The following PARP15 variants were observed in gnomAD, a reference collection of about 807,000 sequenced individuals.
PARP15 encodes poly(ADP-ribose) polymerase family member 15, also known as protein mono-ADP-ribosyltransferase PARP15.
Under a neutral mutation model 62.1 loss-of-function variants are expected in PARP15, and 50 were observed. The observed-to-expected ratio is 0.81, with a 90% confidence interval of 0.64 to 1.02. The LOEUF (loss-of-function observed/expected upper bound fraction) is 1.02, where lower values mean the gene tolerates loss of function less well. PARP15 is among the 50% of genes least tolerant of loss of function. The pLI is 0.00. For synonymous variants in PARP15, 309 were observed against 293.1 expected (o/e 1.05, Z -0.55); for missense variants, 820 against 826.5 (o/e 0.99, Z 0.10).
chr3:122,635,335 G>C, intron 11 of PARP15, 141 bp downstream of exon 11: 1 of 681,364 alleles, frequency 1.5e-6, no homozygotes, highest in Non-Finnish European at 2.3e-6. Context: ...CTGTAAAGGA[G>C]ACTGGCAACC....
At chr3:122,635,765 G>A (rs1937324307) in intron 11 of PARP15, 46 bp from the exon 12 acceptor site, 1 of 1,569,530 alleles carries the variant, frequency 6.4e-7, no homozygotes. Flanking sequence ...TCTACACATT[G>A]TGTAATTTTA....
Position 122,626,770 on chromosome 3 carries a change from T to A in PARP15, c.1232-57T>A, listed in dbSNP as rs1039608395. 9 of 1,508,136 alleles carry A rather than the reference T, an allele frequency of 6.0e-6. No individual in the cohort carries two copies. In the East Asian group the frequency reaches 2.0e-4, roughly 34 times the overall value. 93.4% of individuals were successfully genotyped at this position (1,508,136 alleles called of 1,614,324 possible). A position where few individuals can be genotyped will look rare whatever the true frequency, so the allele number is the denominator to read the frequency against. On this transcript the variant is annotated intron_variant, in intron 8 of 11. Coordinates refer to ENST00000464300, the MANE Select transcript of PARP15 (RefSeq NM_001113523.3). ...AGCACTGAGAACTGGATTTGCCATA[T>A]TTCATCATATTAGCAACATCGGGGG... is the stretch of plus-strand genomic sequence containing the variant.
rs1576559473 is a variant in PARP15 at position 122,638,202 on chromosome 3, T to A, written c.*2102T>A. On this transcript the variant is annotated 3_prime_UTR_variant, in exon 12 of 12. Transcript: ENST00000464300. ...ATTTTCTTAATCCAGTCTATCATTG[T>A]TGGACATTTGGGTTGGTTCCAAGTC... is the stretch of plus-strand genomic sequence containing the variant. 4 of 152,094 alleles carry A rather than the reference T, an allele frequency of 2.6e-5. No individual in the cohort carries two copies. Among genetic ancestry groups the A allele is most frequent in the Admixed American group, 1.3e-4 (2 of 15,270 alleles). 9.4% of individuals were successfully genotyped at this position (152,094 alleles called of 1,614,324 possible). A position where few individuals can be genotyped will look rare whatever the true frequency, so the allele number is the denominator to read the frequency against.
At chr3:122,589,444 T>C (rs1205090145) in intron 1 of PARP15, among the ~76,000 whole-genome samples, 2 of 147,506 alleles carry the variant, frequency 1.4e-5, no homozygotes, top group Middle Eastern at 3.4e-3. Context: ...CTTGGGTATA[T>C]ACCTTGAAGT....
intron 9 of PARP15, among the ~76,000 whole-genome samples, chr3:122,629,383 G>A (rs1056661717): frequency 7.9e-5 from 12 of 152,022 alleles, no homozygotes; most frequent in East Asian, 1.9e-4. Flanking sequence ...TCCACCCACC[G>A]GCCTCTCAAA....
chr3:122,619,725 A>G (rs917456177), intron 6 of PARP15, 56 bp from the exon 7 acceptor site: 2 of 1,428,372 alleles, frequency 1.4e-6, no homozygotes, highest in East Asian at 2.3e-5. Context: ...TACAAAAACT[A>G]TAACCACTTA....
At chr3:122,595,954 A>AATACT (rs1448961132) in intron 1 of PARP15, among the ~76,000 whole-genome samples, 3 of 151,960 alleles carry the variant, frequency 2.0e-5, no homozygotes, top group Non-Finnish European at 4.4e-5. Context: ...AGTGGCATTA[A>AATACT]ATACTGTGTA....
chr3:122,629,903 A>G (rs1936965067), intron 9 of PARP15, among the ~76,000 whole-genome samples: 1 of 152,202 alleles, frequency 6.6e-6, no homozygotes, highest in South Asian at 2.1e-4. Context: ...GACAGAGCTC[A>G]GGTGGTAATG....
At chr3:122,578,692 T>A (rs1158613451) in intron 1 of PARP15, among the ~76,000 whole-genome samples, 1 of 152,156 alleles carries the variant, frequency 6.6e-6, no homozygotes, top group Non-Finnish European at 1.5e-5. Context: ...CTATTCTTGT[T>A]GTTTATTTTT....
intron 1 of PARP15, among the ~76,000 whole-genome samples, chr3:122,591,165 A>C (rs1933876107): frequency 6.6e-6 from 1 of 152,248 alleles, no homozygotes; most frequent in African/African-American, 2.4e-5. Flanking sequence ...CAAATCTCAA[A>C]TCAGATATAA....
intron 9 of PARP15, among the ~76,000 whole-genome samples, chr3:122,631,487 C>T (rs916853876): frequency 1.3e-5 from 2 of 152,164 alleles, no homozygotes; most frequent in African/African-American, 4.8e-5. Context: ...CACACTAGTC[C>T]TGCTATCTTA....
chr3:122,578,886 T>C (rs776653484), intron 1 of PARP15, among the ~76,000 whole-genome samples: 15 of 152,190 alleles, frequency 9.9e-5, no homozygotes, highest in Non-Finnish European at 1.8e-4. Flanking sequence ...GTATATGATA[T>C]TAAATTGTGA....
At chr3:122,598,967 C>T (rs1934576351) in intron 1 of PARP15, among the ~76,000 whole-genome samples, 3 of 152,170 alleles carry the variant, frequency 2.0e-5, no homozygotes, top group Admixed American at 2.0e-4. Flanking sequence ...GTGATCTCAG[C>T]TCACTGCAAG....
intron 1 of PARP15, among the ~76,000 whole-genome samples, chr3:122,604,450 G>T (rs1935019053): frequency 6.6e-6 from 1 of 152,214 alleles, no homozygotes; most frequent in Non-Finnish European, 1.5e-5. Flanking sequence ...GGGTGCAGTG[G>T]CTTATGCTTG....
At chr3:122,602,879 G>A (rs1014179680) in intron 1 of PARP15, among the ~76,000 whole-genome samples, 3 of 152,116 alleles carry the variant, frequency 2.0e-5, no homozygotes, top group Non-Finnish European at 4.4e-5. Flanking sequence ...TTGCATTTAC[G>A]AATGTCACAT....
intron 2 of PARP15, among the ~76,000 whole-genome samples, chr3:122,607,623 A>G (rs1935243521): frequency 6.6e-6 from 1 of 152,244 alleles, no homozygotes; most frequent in Non-Finnish European, 1.5e-5. Flanking sequence ...GAAGAAATAT[A>G]TGACTTACCC....
At chr3:122,609,164 T>C (rs1254306279) in intron 2 of PARP15, among the ~76,000 whole-genome samples, 1 of 152,096 alleles carries the variant, frequency 6.6e-6, no homozygotes, top group Non-Finnish European at 1.5e-5. Context: ...CTAATTTTGT[T>C]TTGTTTTGTT....
At chr3:122,586,719 C>T (rs1344725629) in intron 1 of PARP15, among the ~76,000 whole-genome samples, 1 of 151,804 alleles carries the variant, frequency 6.6e-6, no homozygotes, top group Non-Finnish European at 1.5e-5. Context: ...CCTCACACCC[C>T]ACCCCCACAC....
rs532409246 is a variant in PARP15 at position 122,598,516 on chromosome 3, A to G, written c.187-7420A>G. On this transcript the variant is annotated intron_variant, in intron 1 of 11. Transcript: ENST00000464300. Reference sequence around the variant, plus strand: ...GGCCTCTCCATAGGGCTGTTCATAAATGGCAGCTGACTTTCCCCAGATTGA... The same window carrying G: ...GGCCTCTCCATAGGGCTGTTCATAAGTGGCAGCTGACTTTCCCCAGATTGA... Among the ~76,000 whole-genome samples, 92 of 127,702 alleles carry G rather than the reference A, an allele frequency of 7.2e-4. 1 individual carries two copies. Among genetic ancestry groups the G allele is most frequent in the African/African-American group, 2.4e-3 (86 of 36,058 alleles). The allele number at this position is 127,702 out of a possible 152,430, so 83.8% of individuals were successfully genotyped here.
Sources: gnomAD v4.1 joint callset for allele counts (sites outside exome capture counted in the v4.1 genomes callset) on GRCh38, gnomAD v4.1.1 for gene constraint, MANE v1.5 for transcripts, NCBI Gene and HGNC (gene_info 2026-07-23, HGNC 2026-07-21) for gene names.